Variants in COL5A2 observed in about 807,000 individuals in gnomAD.
COL5A2 encodes the protein collagen alpha-2(V) chain.
In COL5A2, 23 loss-of-function variants were observed where a neutral mutation model predicts 208.2. The ratio of observed to expected loss-of-function variants is 0.11; its 90% confidence interval spans 0.08 to 0.16. The LOEUF is 0.16. Ranked by LOEUF, COL5A2 falls within the 10% of genes least tolerant of loss-of-function variation. The pLI is 1.00. For synonymous variants in COL5A2, 625 were observed against 628.5 expected, an observed-to-expected ratio of 0.99 and a Z score of 0.08; for missense variants, 1,590 against 1,956.4, an observed-to-expected ratio of 0.81 and a Z score of 3.53.
chr2:189,221,305 G>A (rs1397441343), intron 1 of COL5A2, among the ~76,000 whole-genome samples: 1 of 152,164 alleles, frequency 6.6e-6, no homozygotes, highest in East Asian at 1.9e-4. Flanking sequence ...TTTTGTTGCA[G>A]TCTAATGGTT....
chr2:189,310,837 A>G, the COL5A2 span, among the ~76,000 whole-genome samples: 3 of 152,190 alleles, frequency 2.0e-5, no homozygotes, highest in African/African-American at 7.2e-5. Context: ...AAAGACAAAC[A>G]TCACATGTTC....
chr2:189,228,529 C>A (rs1431984874), upstream of COL5A2, among the ~76,000 whole-genome samples: 1 of 151,574 alleles, frequency 6.6e-6, no homozygotes, highest in African/African-American at 2.4e-5. Context: ...CAATTATAAG[C>A]CAATTATAGA....
At chr2:189,062,605 C>T (rs1195007561) in intron 29 of COL5A2, among the ~76,000 whole-genome samples, 3 of 151,854 alleles carry the variant, frequency 2.0e-5, no homozygotes, top group African/African-American at 7.2e-5. Context: ...TGATATAGTC[C>T]TTAACTGTGA....
the COL5A2 span, among the ~76,000 whole-genome samples, chr2:189,258,574 T>C: frequency 3.3e-5 from 5 of 152,192 alleles, no homozygotes; most frequent in African/African-American, 1.2e-4. Flanking sequence ...CCAGAACTGC[T>C]GAAAAAATGC....
the COL5A2 span, among the ~76,000 whole-genome samples, chr2:189,404,994 T>A: frequency 6.6e-6 from 1 of 152,222 alleles, no homozygotes; most frequent in Non-Finnish European, 1.5e-5. Flanking sequence ...GATATCCATA[T>A]GCCTCAATTT....
At chr2:189,116,081 G>C (rs1487449375) in intron 1 of COL5A2, among the ~76,000 whole-genome samples, 1 of 152,130 alleles carries the variant, frequency 6.6e-6, no homozygotes, top group African/African-American at 2.4e-5. Context: ...AGCAGATTTA[G>C]GTCCCTTTTG....
chr2:189,352,479 T>G, the COL5A2 span, among the ~76,000 whole-genome samples: 1 of 152,220 alleles, frequency 6.6e-6, no homozygotes, highest in African/African-American at 2.4e-5. Context: ...TCCTTTTTAA[T>G]GATCGCCATT....
chr2:189,265,799 C>G, the COL5A2 span, among the ~76,000 whole-genome samples: 10 of 152,186 alleles, frequency 6.6e-5, no homozygotes, highest in Admixed American at 2.0e-4. Context: ...AGTGGCTAGA[C>G]TCATAAAACA....
In COL5A2 at chr2:189,051,464, C is replaced by T. The variant is rs151027388; in HGVS notation, c.2787G>A (p.Ala929=). 183 of 1,609,070 alleles carry T rather than the reference C, an allele frequency of 1.1e-4. No homozygotes were observed. In the African/African-American group the frequency reaches 1.9e-3, roughly 17 times the overall value. ...CCTTCCCGGGTTCCCCTAGGGGTCC[C>T]GCAGGTCCTGGAGCTCCCTAGTATA... ...PPGPAGAPGP[A]GPLGEPGKEG... Residue 929 remains alanine, a synonymous_variant, in exon 42 of 54, where the codon GCG becomes GCA. Transcript: ENST00000374866.
chr2:189,138,270 G>A (rs1031232921), intron 1 of COL5A2, among the ~76,000 whole-genome samples: 5 of 151,848 alleles, frequency 3.3e-5, no homozygotes, highest in East Asian at 3.9e-4. Context: ...CAATGCACCC[G>A]GCCCGGTATA....
chr2:189,062,516 A>G (rs1278536210), intron 29 of COL5A2, among the ~76,000 whole-genome samples: 1 of 152,026 alleles, frequency 6.6e-6, no homozygotes, highest in African/African-American at 2.4e-5. Flanking sequence ...CATTATTGAG[A>G]GAAGGTAAAT....
At chr2:189,215,307 T>C (rs1003765130) in intron 1 of COL5A2, among the ~76,000 whole-genome samples, 2 of 152,164 alleles carry the variant, frequency 1.3e-5, no homozygotes, top group East Asian at 1.9e-4. Context: ...TCTAAGAACA[T>C]GGCTGTCTGA....
chr2:189,125,433 A>C (rs547880696), intron 1 of COL5A2, among the ~76,000 whole-genome samples: 1 of 152,098 alleles, frequency 6.6e-6, no homozygotes, highest in African/African-American at 2.4e-5. Flanking sequence ...TTGAATCTTG[A>C]GCAACACAGG....
In COL5A2 at chr2:189,057,015, T is replaced by A; in HGVS notation, c.2349A>T (p.Gly783=). Residue 783 remains glycine (G), a synonymous_variant, in exon 35 of 54, where the codon GGA becomes GGT. Coordinates refer to ENST00000374866, the MANE Select transcript of COL5A2 (RefSeq NM_000393.5). ...PGPKGDRGGI[G]EKGAEGTAGN... ...CAGCTGTGCCTTCAGCACCTTTTTCTCCTATGCCACCCTGGGAAAACACAC... is the reference window on the plus strand; with the variant it reads ...CAGCTGTGCCTTCAGCACCTTTTTCACCTATGCCACCCTGGGAAAACACAC... The A allele has an allele frequency of 6.2e-7, 1 of 1,614,020 alleles. No individual in the cohort carries two copies. Among genetic ancestry groups the A allele is most frequent in the Non-Finnish European group, 8.5e-7 (1 of 1,179,922 alleles).
the COL5A2 span, among the ~76,000 whole-genome samples, chr2:189,426,516 T>C: frequency 2.6e-5 from 4 of 152,228 alleles, no homozygotes; most frequent in Non-Finnish European, 5.9e-5. Context: ...TTACATATGT[T>C]GATTGATGTC....
At chr2:189,340,206 G>A in the COL5A2 span, among the ~76,000 whole-genome samples, 1 of 152,100 alleles carries the variant, frequency 6.6e-6, no homozygotes, top group South Asian at 2.1e-4. Context: ...AGTCAGTGGG[G>A]GGCTTAGGAC....
the COL5A2 span, among the ~76,000 whole-genome samples, chr2:189,257,730 C>T: frequency 4.1e-4 from 62 of 152,270 alleles, 1 homozygote; most frequent in African/African-American, 1.2e-3. Context: ...ATAATTACTA[C>T]AGAATATAGT....
chr2:189,405,454 C>A, the COL5A2 span, among the ~76,000 whole-genome samples: 1 of 152,140 alleles, frequency 6.6e-6, no homozygotes, highest in African/African-American at 2.4e-5. Context: ...CTGGCTCAAA[C>A]TCCTGACCTC....
the COL5A2 span, among the ~76,000 whole-genome samples, chr2:189,406,886 T>G: frequency 6.6e-6 from 1 of 152,028 alleles, no homozygotes; most frequent in African/African-American, 2.4e-5. Flanking sequence ...GAGATGTAAT[T>G]TATAGGTGCT....
Sources: allele counts gnomAD v4.1 joint callset (sites outside exome capture counted in the v4.1 genomes callset), GRCh38; gene constraint gnomAD v4.1.1; transcripts MANE v1.5; gene names NCBI Gene and HGNC (gene_info 2026-07-23, HGNC 2026-07-21).